FERMT2: variants seen among roughly 807,000 people sequenced by gnomAD.
FERMT2 encodes FERM domain containing kindlin 2.
A neutral mutation model predicts 82.7 loss-of-function variants in FERMT2; 15 were observed. That is an observed-to-expected ratio of 0.18 (90% CI 0.12 to 0.28). FERMT2 has a LOEUF of 0.28. Ranked by LOEUF, FERMT2 falls within the 10% of genes least tolerant of loss-of-function variation. FERMT2 has a pLI of 1.00. For synonymous variants in FERMT2, 274 were observed against 271.5 expected, an observed-to-expected ratio of 1.01 and a Z score of -0.09; for missense variants, 645 against 809.4, an observed-to-expected ratio of 0.80 and a Z score of 2.46.
intron 2 of FERMT2, among the ~76,000 whole-genome samples, chr14:52,943,120 A>G (rs182055029): frequency 6.8e-5 from 10 of 147,004 alleles, no homozygotes; most frequent in South Asian, 2.1e-4. Flanking sequence ...AGGCAGGAGA[A>G]TCACTTGAAC....
At chr14:52,880,979 ATG>A in intron 6 of FERMT2, 55 bp downstream of exon 6, 3 of 1,086,464 alleles carry the variant, frequency 2.8e-6, no homozygotes, top group Non-Finnish European at 4.1e-6. Context: ...ACAAACATCC[ATG>A]TGAACAAAAC....
chr14:52,895,643 A>G lies in FERMT2; in HGVS notation c.392-2216T>C, dbSNP rs191904566. Among the ~76,000 whole-genome samples the G allele has an allele frequency of 1.1e-3, 163 of 152,366 alleles. No homozygotes were observed. In the Middle Eastern group the frequency reaches 0.014, roughly 13 times the overall value. On this transcript the variant is annotated intron_variant, in intron 3 of 14. Transcript: ENST00000341590. ...TGCCAACAAATCCATAGTGACAGAA[A>G]GCAGATCAATTTGCTGGTAGCTGAA...
chr14:52,916,603 A>G (rs1303831758), intron 3 of FERMT2, among the ~76,000 whole-genome samples: 1 of 152,194 alleles, frequency 6.6e-6, no homozygotes, highest in African/African-American at 2.4e-5. Flanking sequence ...CAATACCACA[A>G]CAGTAGATAC....
At chr14:52,890,626 CAG>C (rs1886887189) in intron 4 of FERMT2, among the ~76,000 whole-genome samples, 2 of 134,386 alleles carry the variant, frequency 1.5e-5, no homozygotes, top group South Asian at 2.4e-4. Context: ...TTTTTTGAGA[CAG>C]AGTCTTGCTC....
At chr14:52,872,612 G>GA (rs1326152063) in intron 10 of FERMT2, among the ~76,000 whole-genome samples, 187 bp downstream of exon 10, 2 of 152,314 alleles carry the variant, frequency 1.3e-5, no homozygotes, top group East Asian at 3.9e-4. Flanking sequence ...TATTTATGTG[G>GA]AATTGAATAC....
chr14:52,880,051 A>T (rs1173467473), intron 6 of FERMT2, among the ~76,000 whole-genome samples: 1 of 152,142 alleles, frequency 6.6e-6, no homozygotes, highest in African/African-American at 2.4e-5. Flanking sequence ...GCTTCAGCCC[A>T]GGAGTTTTGA....
chr14:52,935,397 A>G (rs1386759132), intron 2 of FERMT2, among the ~76,000 whole-genome samples: 1 of 152,150 alleles, frequency 6.6e-6, no homozygotes, highest in Non-Finnish European at 1.5e-5. Context: ...CCAAATTCAT[A>G]TGTTGAAATC....
chr14:52,909,577 C>G (rs1888198961), intron 3 of FERMT2, among the ~76,000 whole-genome samples: 3 of 151,688 alleles, frequency 2.0e-5, no homozygotes, highest in African/African-American at 7.3e-5. Flanking sequence ...CACTTGAGGT[C>G]AGGAGTCCAG....
At chr14:52,950,159 G>GT (rs1474163978) in intron 2 of FERMT2, among the ~76,000 whole-genome samples, 1 of 152,116 alleles carries the variant, frequency 6.6e-6, no homozygotes, top group African/African-American at 2.4e-5. Context: ...CCCGTCCCGC[G>GT]TAACTACGCA....
chr14:52,913,231 G>C (rs1888424952), intron 3 of FERMT2, among the ~76,000 whole-genome samples: 1 of 152,032 alleles, frequency 6.6e-6, no homozygotes, highest in Non-Finnish European at 1.5e-5. Context: ...AAACATAAAT[G>C]GGATAATGTA....
At chr14:52,950,774 C>T (rs1378227481) in intron 1 of FERMT2, 147 bp downstream of exon 1, 1 of 511,288 alleles carries the variant, frequency 2.0e-6, no homozygotes, top group African/African-American at 2.1e-5. Context: ...TTCCTCGGTC[C>T]CGGCGCCGCC....
chr14:52,895,585 T>G (rs1887209955), intron 3 of FERMT2, among the ~76,000 whole-genome samples: 1 of 152,072 alleles, frequency 6.6e-6, no homozygotes, highest in Non-Finnish European at 1.5e-5. Context: ...TAGAAAAGAG[T>G]ATATGTGATT....
intron 12 of FERMT2, among the ~76,000 whole-genome samples, chr14:52,864,083 T>C (rs927329794): frequency 1.3e-5 from 2 of 152,212 alleles, no homozygotes; most frequent in East Asian, 1.9e-4. Context: ...TCCAAAATTC[T>C]TGGGACCAGA....
intron 6 of FERMT2, among the ~76,000 whole-genome samples, chr14:52,879,053 C>T (rs1047802381): frequency 2.6e-5 from 4 of 152,042 alleles, no homozygotes; most frequent in African/African-American, 7.2e-5. Context: ...GCGGAACTAC[C>T]GATTATTTTT....
intron 7 of FERMT2, among the ~76,000 whole-genome samples, chr14:52,877,494 C>T (rs1886033281): frequency 6.7e-6 from 1 of 148,538 alleles, no homozygotes; most frequent in Admixed American, 6.7e-5. Flanking sequence ...CATCTGTCAC[C>T]TGGGATTTAT....
chr14:52,860,734 G>A (rs1456435637), intron 12 of FERMT2: 1 of 558,936 alleles, frequency 1.8e-6, no homozygotes, highest in East Asian at 3.1e-5. Flanking sequence ...TATTCCAAAT[G>A]CATACACCTA....
chr14:52,892,159 G>GGTTTTTTTTTTT (rs1555368978), intron 4 of FERMT2, among the ~76,000 whole-genome samples: 89 of 78,798 alleles, frequency 1.1e-3, no homozygotes, highest in African/African-American at 3.1e-3. Flanking sequence ...AGAGAAGGCT[G>GGTTTTTTTTTTT]TTTTTTGTTT....
intron 2 of FERMT2, 71 bp from the exon 3 acceptor site, chr14:52,919,427 A>C: frequency 9.0e-7 from 1 of 1,109,376 alleles, no homozygotes; most frequent in Non-Finnish European, 1.3e-6. Context: ...AAAAGCAGAA[A>C]ACTAGATAAT....
chr14:52,873,191 T>C (rs1885737647), intron 9 of FERMT2, among the ~76,000 whole-genome samples: 2 of 152,122 alleles, frequency 1.3e-5, no homozygotes, highest in African/African-American at 4.8e-5. Context: ...GCTGTAGCCA[T>C]CACATCTATC....
Sources: gnomAD v4.1 joint callset for allele counts (sites outside exome capture counted in the v4.1 genomes callset) on GRCh38, gnomAD v4.1.1 for gene constraint, MANE v1.5 for transcripts, NCBI Gene and HGNC (gene_info 2026-07-23, HGNC 2026-07-21) for gene names.